AGBL4: variants seen among roughly 807,000 people sequenced by gnomAD.
AGBL4 encodes the protein cytosolic carboxypeptidase 6.
A neutral mutation model predicts 66.4 loss-of-function variants in AGBL4; 58 were observed. The ratio of observed to expected loss-of-function variants is 0.87; its 90% CI spans 0.71 to 1.09. The LOEUF is 1.09. AGBL4 is among the 50% of genes least tolerant of loss of function. The probability of loss-of-function intolerance (pLI) is 0.00; values close to 1 mark genes in which losing one functional copy is unlikely to be tolerated. For missense variants in AGBL4, 579 were observed against 631.0 expected, an observed-to-expected ratio of 0.92 and a Z score of 0.88; for synonymous variants, 234 against 222.9, an observed-to-expected ratio of 1.05 and a Z score of -0.44.
At chr1:49,991,155 G>A (rs539210771) in intron 1 of AGBL4, among the ~76,000 whole-genome samples, 4 of 152,178 alleles carry the variant, frequency 2.6e-5, no homozygotes, top group African/African-American at 9.6e-5. Context: ...TTATATGACT[G>A]CAATATTTAC....
At chr1:49,593,724 T>C (rs184189521) in intron 3 of AGBL4, among the ~76,000 whole-genome samples, 5 of 152,318 alleles carry the variant, frequency 3.3e-5, no homozygotes. Context: ...GGATAAAATA[T>C]TATTTCTCTC....
At chr1:49,638,970 G>A (rs2211459) in intron 3 of AGBL4, among the ~76,000 whole-genome samples, 13,443 of 152,158 alleles carry the variant, frequency 0.088, 811 homozygotes, top group African/African-American at 0.16. Context: ...GTAAGGTCGA[G>A]TAAGTTCTAT....
chr1:49,694,515 A>G (rs1476137185), intron 3 of AGBL4, among the ~76,000 whole-genome samples: 1 of 152,296 alleles, frequency 6.6e-6, no homozygotes, highest in Non-Finnish European at 1.5e-5. Flanking sequence ...TAATTGGAAC[A>G]AGGATAGGAT....
At chr1:49,746,478 T>C (rs1471491216) in intron 2 of AGBL4, among the ~76,000 whole-genome samples, 1 of 151,980 alleles carries the variant, frequency 6.6e-6, no homozygotes, top group East Asian at 1.9e-4. Flanking sequence ...CTGAACAACA[T>C]AGTATCCTGA....
At chr1:49,204,421 G>C (rs1357909800) in intron 4 of AGBL4, among the ~76,000 whole-genome samples, 1 of 151,596 alleles carries the variant, frequency 6.6e-6, no homozygotes, top group African/African-American at 2.4e-5. Flanking sequence ...TACACATGCA[G>C]CACTACACCT....
At chr1:49,719,263 T>G (rs1006239777) in intron 2 of AGBL4, among the ~76,000 whole-genome samples, 11 of 152,184 alleles carry the variant, frequency 7.2e-5, no homozygotes, top group African/African-American at 2.4e-4. Context: ...TCTATTCATT[T>G]CCAAAATCTC....
Position 49,241,548 on chromosome 1 carries a change from C to T in AGBL4, c.377+4222G>A, listed in dbSNP as rs111487872. Among the ~76,000 whole-genome samples the T allele has an allele frequency of 2.5e-3, 385 of 152,054 alleles. 1 individual carries two copies. The highest frequency in any genetic ancestry group is 5.0e-3 in the South Asian group (24 of 4,816). ...AGTTCTCATTATAACAGTTATCATA[C>T]TTTACTAGAGCTACATATTTAATGT... On this transcript the variant is annotated intron_variant, in intron 4 of 13. Coordinates refer to ENST00000371839, the MANE Select transcript of AGBL4 (RefSeq NM_032785.4).
intron 6 of AGBL4, among the ~76,000 whole-genome samples, chr1:48,715,600 A>G (rs10749678): frequency 0.93 from 141,349 of 152,138 alleles, 65,872 homozygotes; most frequent in East Asian, 1. Context: ...ATTTGAGATC[A>G]TTTTATTGAA....
chr1:49,300,394 T>C (rs1644722944), intron 3 of AGBL4, among the ~76,000 whole-genome samples: 2 of 152,164 alleles, frequency 1.3e-5, no homozygotes, highest in South Asian at 4.1e-4. Flanking sequence ...ATCAAGGATA[T>C]AAAACAAAAC....
chr1:49,740,365 A>C (rs954264463), intron 2 of AGBL4, among the ~76,000 whole-genome samples: 43 of 152,238 alleles, frequency 2.8e-4, no homozygotes, highest in African/African-American at 1.0e-3. Flanking sequence ...CTAAATATAT[A>C]GGCGCCCAAT....
chr1:49,980,629 A>G (rs1032337144), intron 1 of AGBL4, among the ~76,000 whole-genome samples: 1 of 152,068 alleles, frequency 6.6e-6, no homozygotes, highest in African/African-American at 2.4e-5. Context: ...GTAATATTCT[A>G]TTGTATGTAT....
chr1:49,447,709 A>G (rs1238256117), intron 3 of AGBL4, among the ~76,000 whole-genome samples: 1 of 152,188 alleles, frequency 6.6e-6, no homozygotes, highest in Non-Finnish European at 1.5e-5. Flanking sequence ...AGAGATGTGG[A>G]CTGCTAAAGC....
intron 9 of AGBL4, among the ~76,000 whole-genome samples, chr1:48,608,573 A>ATGGATG (rs1557825415): frequency 9.2e-5 from 13 of 140,668 alleles, no homozygotes; most frequent in African/African-American, 3.6e-4. Context: ...ATGGATGGAT[A>ATGGATG]GATGGATGGA....
chr1:49,384,211 T>C (rs954619725), intron 3 of AGBL4, among the ~76,000 whole-genome samples: 3 of 152,144 alleles, frequency 2.0e-5, no homozygotes, highest in African/African-American at 7.2e-5. Flanking sequence ...ATGGAATTAA[T>C]ATACAGAGCA....
intron 5 of AGBL4, chr1:49,025,528 T>C (rs1233813838): frequency 1.3e-5 from 2 of 152,130 alleles, no homozygotes; most frequent in African/African-American, 4.8e-5. Context: ...CCAGAAGAAC[T>C]TGGGATTCTT....
chr1:49,309,401 C>T (rs540405957), intron 3 of AGBL4, among the ~76,000 whole-genome samples: 3 of 152,016 alleles, frequency 2.0e-5, no homozygotes, highest in African/African-American at 4.8e-5. Flanking sequence ...TCAAGAGTGG[C>T]GCTAGAATCT....
At chr1:48,944,471 T>G (rs1234600243) in intron 5 of AGBL4, among the ~76,000 whole-genome samples, 1 of 152,042 alleles carries the variant, frequency 6.6e-6, no homozygotes, top group Non-Finnish European at 1.5e-5. Flanking sequence ...AGAGGAAAAA[T>G]TCTTATAAAT....
chr1:48,601,805 T>C (rs1025986324), intron 9 of AGBL4, among the ~76,000 whole-genome samples: 1 of 152,088 alleles, frequency 6.6e-6, no homozygotes, highest in Non-Finnish European at 1.5e-5. Flanking sequence ...AAACCTCTGC[T>C]TGATCCTCAA....
chr1:48,625,246 G>A (rs1027484950), intron 9 of AGBL4, among the ~76,000 whole-genome samples: 4 of 151,478 alleles, frequency 2.6e-5, no homozygotes, highest in Non-Finnish European at 5.9e-5. Flanking sequence ...GCCCAGGCTG[G>A]TCTCAAACTC....
Sources: gnomAD v4.1 joint callset for allele counts (sites outside exome capture counted in the v4.1 genomes callset) on GRCh38, gnomAD v4.1.1 for gene constraint, MANE v1.5 for transcripts, NCBI Gene and HGNC (gene_info 2026-07-23, HGNC 2026-07-21) for gene names.